Variants in NDC1 observed in about 807,000 individuals in gnomAD.
NDC1 encodes the protein NDC1 transmembrane nucleoporin, also known as nucleoporin NDC1.
In NDC1, 24 loss-of-function variants were observed where a neutral mutation model predicts 89.8. The observed-to-expected ratio is 0.27, with a 90% CI of 0.19 to 0.38. The LOEUF (loss-of-function observed/expected upper bound fraction) is 0.38, where lower values mean the gene tolerates loss of function less well. Ranked by LOEUF, NDC1 falls within the 10% of genes least tolerant of loss-of-function variation. The pLI is 1.00. For missense variants in NDC1, 728 were observed against 797.6 expected (o/e 0.91, Z 1.05); for synonymous variants, 296 against 284.8 (o/e 1.04, Z -0.39).
intron 5 of NDC1, among the ~76,000 whole-genome samples, chr1:53,823,302 T>C (rs1481092102): frequency 1.3e-5 from 2 of 152,196 alleles, no homozygotes; most frequent in Non-Finnish European, 2.9e-5. Context: ...GCCCCATATA[T>C]ATTTTTTGAC....
At chr1:53,832,367 T>C in intron 3 of NDC1, 123 bp downstream of exon 3, 1 of 580,118 alleles carries the variant, frequency 1.7e-6, no homozygotes, top group East Asian at 2.9e-5. Context: ...ATTTGAAGCA[T>C]ATGATTCTGT....
At chr1:53,833,420 G>C (rs1341560579) in intron 2 of NDC1, among the ~76,000 whole-genome samples, 1 of 152,120 alleles carries the variant, frequency 6.6e-6, no homozygotes, top group African/African-American at 2.4e-5. Flanking sequence ...ACAGGTATGA[G>C]CCATCACACC....
intron 4 of NDC1, among the ~76,000 whole-genome samples, chr1:53,827,505 G>A (rs1417047740): frequency 6.6e-6 from 1 of 152,148 alleles, no homozygotes; most frequent in African/African-American, 2.4e-5. Context: ...AATGCCATGT[G>A]TTCAAGAACT....
In NDC1 at chr1:53,767,862, A is replaced by G. The variant is rs1220093180; in HGVS notation, c.*108T>C. 1 of 536,198 alleles carries G rather than the reference A, an allele frequency of 1.9e-6. No individual in the cohort carries two copies. The highest frequency in any genetic ancestry group is 3.2e-6 in the Non-Finnish European group (1 of 313,204). 33.2% of individuals were successfully genotyped at this position (536,198 alleles called of 1,614,324 possible). ...GTTTTCAAAGCAACCACCACGACAA[A>G]GGAAGCATCTAATTAGTCCGTTTTC... On this transcript the variant is annotated 3_prime_UTR_variant, in exon 18 of 18. Coordinates refer to ENST00000371429, the MANE Select transcript of NDC1 (RefSeq NM_018087.5).
chr1:53,788,216 C>T (rs778354769), intron 15 of NDC1, among the ~76,000 whole-genome samples: 1 of 151,928 alleles, frequency 6.6e-6, no homozygotes, highest in Non-Finnish European at 1.5e-5. Flanking sequence ...ATTGCATGAG[C>T]CCAGGAGTTT....
At chr1:53,776,578 T>C (rs943372472) in intron 16 of NDC1, among the ~76,000 whole-genome samples, 2 of 152,242 alleles carry the variant, frequency 1.3e-5, no homozygotes, top group African/African-American at 2.4e-5. Flanking sequence ...TAAGATTACA[T>C]AGGTGACTGC....
At chr1:53,827,874 A>G (rs1278685614) in intron 4 of NDC1, 125 bp downstream of exon 4, 1 of 619,510 alleles carries the variant, frequency 1.6e-6, no homozygotes, top group Non-Finnish European at 2.5e-6. Flanking sequence ...AACACTTGAT[A>G]TATGCAAAAA....
chr1:53,773,863 C>G (rs1647139954), intron 16 of NDC1, among the ~76,000 whole-genome samples: 1 of 152,154 alleles, frequency 6.6e-6, no homozygotes, highest in African/African-American at 2.4e-5. Context: ...GGATAAACCT[C>G]AGACTACAGT....
Position 53,782,823 on chromosome 1 carries a change from T to C in NDC1, c.1800+4335A>G, listed in dbSNP as rs114867092. On this transcript the variant is annotated intron_variant, in intron 16 of 17. Transcript: ENST00000371429. ...TCTCCATATCCCAATACGATTGTTA[T>C]AGTTATCTTGAAATATCATTCATCT... Among the ~76,000 whole-genome samples, 1,247 of 152,374 alleles carry C rather than the reference T, an allele frequency of 8.2e-3. 17 individuals carry two copies. The highest frequency in any genetic ancestry group is 0.029 in the African/African-American group (1,196 of 41,582).
At chr1:53,834,011 G>A (rs1287769044) in intron 2 of NDC1, among the ~76,000 whole-genome samples, 3 of 151,874 alleles carry the variant, frequency 2.0e-5, no homozygotes, top group East Asian at 1.9e-4. Context: ...ATAAACTCCT[G>A]AGCTCAGGCA....
At chr1:53,787,122 T>C in intron 16 of NDC1, 36 bp downstream of exon 16, 1 of 1,094,588 alleles carries the variant, frequency 9.1e-7, no homozygotes, top group Non-Finnish European at 1.4e-6. Context: ...GAGGGGAAGA[T>C]GACCTCTACC....
At chr1:53,814,024 G>A (rs1234320121) in intron 6 of NDC1, among the ~76,000 whole-genome samples, 2 of 152,158 alleles carry the variant, frequency 1.3e-5, no homozygotes, top group African/African-American at 4.8e-5. Context: ...GCTCCTGAAT[G>A]AGCACTGGGT....
At chr1:53,799,987 T>G (rs577585222) in intron 11 of NDC1, among the ~76,000 whole-genome samples, 1 of 152,306 alleles carries the variant, frequency 6.6e-6, no homozygotes, top group South Asian at 2.1e-4. Flanking sequence ...GGACAGCAAC[T>G]TTTTGTCTCT....
intron 5 of NDC1, among the ~76,000 whole-genome samples, chr1:53,819,982 G>A (rs1014807752): frequency 9.2e-5 from 14 of 151,960 alleles, no homozygotes; most frequent in Admixed American, 3.9e-4. Context: ...GGCTGGGTGC[G>A]GTGGCTCACA....
At chr1:53,814,317 C>T (rs965146581) in intron 6 of NDC1, among the ~76,000 whole-genome samples, 28 of 151,922 alleles carry the variant, frequency 1.8e-4, no homozygotes, top group African/African-American at 4.4e-4. Context: ...ATCGCGCCAT[C>T]GCACTCCAGC....
At chr1:53,795,196 C>T (rs1647657482) in intron 13 of NDC1, among the ~76,000 whole-genome samples, 1 of 152,126 alleles carries the variant, frequency 6.6e-6, no homozygotes, top group Non-Finnish European at 1.5e-5. Flanking sequence ...TTCTACCCAC[C>T]TCAGTCTCTG....
chr1:53,837,507 T>C (rs774606394), intron 1 of NDC1, among the ~76,000 whole-genome samples: 4 of 151,918 alleles, frequency 2.6e-5, no homozygotes, highest in South Asian at 2.1e-4. Context: ...GAGGCGGGGG[T>C]TGCAGTGAGC....
chr1:53,834,552 A>C (rs535936823), intron 2 of NDC1, among the ~76,000 whole-genome samples: 1 of 152,318 alleles, frequency 6.6e-6, no homozygotes, highest in East Asian at 1.9e-4. Flanking sequence ...CCACTTTACA[A>C]GGCAAAAGAA....
chr1:53,809,527 T>G (rs1005550383), intron 7 of NDC1, among the ~76,000 whole-genome samples, 168 bp downstream of exon 7: 10 of 152,136 alleles, frequency 6.6e-5, no homozygotes, highest in Admixed American at 6.6e-4. Context: ...AATTTTACCC[T>G]TTTATACACC....
Sources: gnomAD v4.1 joint callset for allele counts (sites outside exome capture counted in the v4.1 genomes callset) on GRCh38, gnomAD v4.1.1 for gene constraint, MANE v1.5 for transcripts, NCBI Gene and HGNC (gene_info 2026-07-23, HGNC 2026-07-21) for gene names.